Variants in COL25A1 observed in about 807,000 individuals in gnomAD.
COL25A1 encodes the protein collagen type XXV alpha 1 chain.
COL25A1 carries 103 observed loss-of-function variants against 128.4 expected under a neutral mutation model. That is an observed-to-expected ratio of 0.80 (90% CI 0.68 to 0.94). The LOEUF is 0.94. Ranked by LOEUF, COL25A1 falls within the 40% of genes least tolerant of loss-of-function variation. The pLI is 0.00. For missense variants in COL25A1, 745 were observed against 840.0 expected (o/e 0.89, Z 1.40); for synonymous variants, 279 against 277.2 (o/e 1.01, Z -0.06).
intron 30 of COL25A1, among the ~76,000 whole-genome samples, chr4:108,844,163 A>T (rs1002781229): frequency 2.9e-4 from 44 of 152,340 alleles, no homozygotes; most frequent in Admixed American, 2.4e-3. Context: ...TGTTGGCATG[A>T]GCCATTGTGT....
At chr4:109,178,142 T>C (rs532484285) in intron 3 of COL25A1, among the ~76,000 whole-genome samples, 6 of 152,354 alleles carry the variant, frequency 3.9e-5, no homozygotes, top group East Asian at 3.9e-4. Flanking sequence ...TGGCAGTTTA[T>C]GGCCCCTCCT....
intron 8 of COL25A1, 93 bp downstream of exon 8, chr4:108,974,274 C>T: frequency 7.4e-7 from 1 of 1,348,540 alleles, no homozygotes. Flanking sequence ...AACCATGTGG[C>T]ACAAAGGCAG....
chr4:109,083,635 T>G (rs1764081804), intron 3 of COL25A1, among the ~76,000 whole-genome samples: 1 of 151,826 alleles, frequency 6.6e-6, no homozygotes, highest in Non-Finnish European at 1.5e-5. Flanking sequence ...GCTAATTTTT[T>G]GTATTTTTAG....
At chr4:109,265,998 C>T (rs1781765854) in intron 3 of COL25A1, among the ~76,000 whole-genome samples, 1 of 150,552 alleles carries the variant, frequency 6.6e-6, no homozygotes, top group Non-Finnish European at 1.5e-5. Flanking sequence ...ACCAATACTA[C>T]CTCCAAACAT....
intron 3 of COL25A1, among the ~76,000 whole-genome samples, chr4:109,254,509 A>ATATATATATATATATG (rs59126671): frequency 3.1e-4 from 32 of 104,516 alleles, no homozygotes; most frequent in African/African-American, 1.0e-3. Context: ...ATATATATGT[A>ATATATATATATATATG]TGTGTGTATA....
chr4:108,817,391 G>T lies in COL25A1; in HGVS notation c.1962+6C>A. 6.2e-7 allele frequency: 1 copy of T among 1,613,040 alleles called. No homozygotes were observed. Among genetic ancestry groups the T allele is most frequent in the Non-Finnish European group, 8.5e-7 (1 of 1,179,172 alleles). On this transcript the variant is annotated splice_donor_region_variant and intron_variant, in intron 37 of 37. Transcript: ENST00000399132. ...TTCTTTTGAGAAATTATTCAGTAAA[G>T]CCTACCTTTTGCCAACAGCCAGGCA...
At chr4:108,866,462 G>A (rs372858799) in intron 20 of COL25A1, among the ~76,000 whole-genome samples, 59 of 152,186 alleles carry the variant, frequency 3.9e-4, no homozygotes, top group African/African-American at 1.3e-3. Context: ...CAAAGTGCTG[G>A]GATTACAGGC....
intron 3 of COL25A1, among the ~76,000 whole-genome samples, chr4:109,156,270 C>G (rs967594294): frequency 6.6e-6 from 1 of 152,158 alleles, no homozygotes; most frequent in African/African-American, 2.4e-5. Flanking sequence ...AAGCTAAAGA[C>G]CTTTTAGACC....
chr4:109,246,717 T>A (rs1322933404), intron 3 of COL25A1, among the ~76,000 whole-genome samples: 3 of 152,178 alleles, frequency 2.0e-5, no homozygotes, highest in South Asian at 4.1e-4. Flanking sequence ...ATTCTCTTTT[T>A]CTTACCTATT....
At chr4:108,903,072 T>A (rs1578713016) in intron 13 of COL25A1, among the ~76,000 whole-genome samples, 2 of 151,642 alleles carry the variant, frequency 1.3e-5, no homozygotes, top group Admixed American at 1.3e-4. Context: ...AAAAAATAAA[T>A]GGTTAAGCCC....
chr4:109,059,910 T>C (rs1761806302), intron 3 of COL25A1, among the ~76,000 whole-genome samples: 1 of 152,176 alleles, frequency 6.6e-6, no homozygotes, highest in Non-Finnish European at 1.5e-5. Context: ...TTCTGTAGTA[T>C]TTCTGCCAGT....
chr4:108,874,301 T>C (rs915278677), intron 19 of COL25A1, among the ~76,000 whole-genome samples: 5 of 152,218 alleles, frequency 3.3e-5, no homozygotes, highest in Non-Finnish European at 5.9e-5. Flanking sequence ...ACAGCTGTTT[T>C]ACATATTTAA....
intron 6 of COL25A1, among the ~76,000 whole-genome samples, chr4:108,985,353 C>T (rs993516663): frequency 3.3e-5 from 5 of 152,198 alleles, no homozygotes; most frequent in African/African-American, 1.2e-4. Context: ...TTCACCCTCT[C>T]CTAAAGACAA....
chr4:109,148,365 A>C (rs1375272455), intron 3 of COL25A1, among the ~76,000 whole-genome samples: 1 of 152,228 alleles, frequency 6.6e-6, no homozygotes, highest in Non-Finnish European at 1.5e-5. Context: ...ATGAATTCCA[A>C]GGGTTACCTA....
intron 18 of COL25A1, among the ~76,000 whole-genome samples, chr4:108,886,723 C>T (rs1560807053): frequency 6.6e-6 from 1 of 152,120 alleles, no homozygotes; most frequent in South Asian, 2.1e-4. Context: ...TTCGTTATCC[C>T]ATTCAAAGGG....
chr4:109,041,441 G>A (rs1211673594), intron 5 of COL25A1, among the ~76,000 whole-genome samples: 1 of 151,730 alleles, frequency 6.6e-6, no homozygotes, highest in African/African-American at 2.4e-5. Flanking sequence ...TTTAATGACT[G>A]TTCTTCTCTA....
intron 3 of COL25A1, among the ~76,000 whole-genome samples, chr4:109,295,613 T>C (rs758138460): frequency 5.3e-5 from 8 of 152,090 alleles, no homozygotes; most frequent in Non-Finnish European, 1.2e-4. Context: ...AAACCATGTA[T>C]ACTAGGAAAC....
At chr4:108,990,992 C>T (rs920905921) in intron 6 of COL25A1, among the ~76,000 whole-genome samples, 1 of 152,270 alleles carries the variant, frequency 6.6e-6, no homozygotes, top group Non-Finnish European at 1.5e-5. Context: ...CTCAGAATTT[C>T]ATCATCAAAT....
chr4:109,059,265 A>G (rs1195401893), intron 3 of COL25A1, among the ~76,000 whole-genome samples: 1 of 152,214 alleles, frequency 6.6e-6, no homozygotes, highest in Admixed American at 6.5e-5. Flanking sequence ...TGATATAGAC[A>G]GGTTAAAAGA....
Sources: allele counts gnomAD v4.1 joint callset (sites outside exome capture counted in the v4.1 genomes callset), GRCh38; gene constraint gnomAD v4.1.1; transcripts MANE v1.5; gene names NCBI Gene and HGNC (gene_info 2026-07-23, HGNC 2026-07-21).